Variants in KALRN observed in about 807,000 individuals in gnomAD.
KALRN encodes the protein kalirin RhoGEF kinase, also known as kalirin.
A neutral mutation model predicts 353.7 loss-of-function variants in KALRN; 70 were observed. The observed-to-expected ratio is 0.20, with a 90% CI of 0.16 to 0.24. KALRN has a LOEUF of 0.24. Among genes scored for constraint, KALRN ranks in the 10% least tolerant of loss-of-function variants. KALRN has a pLI of 1.00. For synonymous variants in KALRN, 1,391 were observed against 1,434.8 expected (o/e 0.97, Z 0.69); for missense variants, 2,791 against 3,756.7 (o/e 0.74, Z 6.72).
chr3:124,695,286 G>A (rs180941021), intron 53 of KALRN, among the ~76,000 whole-genome samples: 3 of 152,356 alleles, frequency 2.0e-5, no homozygotes, highest in African/African-American at 7.2e-5. Flanking sequence ...GTTGCTTACA[G>A]TGGACAAGTG....
At chr3:124,675,492 A>G (rs2150417625) in intron 49 of KALRN, 1 of 147,602 alleles carries the variant, frequency 6.8e-6, no homozygotes, top group South Asian at 2.2e-4. Context: ...TGTGCAAACA[A>G]TTCTTCTTCT....
chr3:124,405,022 G>C (rs956403342), intron 13 of KALRN, among the ~76,000 whole-genome samples: 4 of 151,448 alleles, frequency 2.6e-5, no homozygotes, highest in African/African-American at 9.8e-5. Context: ...TCTTCCTAGT[G>C]ATCACTGTCA....
chr3:124,162,357 G>A (rs529814911), intron 1 of KALRN: 1 of 152,292 alleles, frequency 6.6e-6, no homozygotes, highest in African/African-American at 2.4e-5. Context: ...GTGTGAAGGT[G>A]TGGGAGTTGG....
chr3:124,053,356 T>C (rs2041221093), intron 1 of KALRN, among the ~76,000 whole-genome samples: 1 of 152,216 alleles, frequency 6.6e-6, no homozygotes, highest in East Asian at 1.9e-4. Flanking sequence ...ATATAGTTGA[T>C]GATACAAGAA....
intron 34 of KALRN, among the ~76,000 whole-genome samples, chr3:124,564,397 CAA>C (rs1463907463): frequency 6.6e-6 from 1 of 151,936 alleles, no homozygotes; most frequent in Admixed American, 6.6e-5. Flanking sequence ...AATAAAAAAT[CAA>C]AGTTAAAAGC....
At chr3:124,647,068 A>G (rs1401199293) in intron 37 of KALRN, among the ~76,000 whole-genome samples, 1 of 151,888 alleles carries the variant, frequency 6.6e-6, no homozygotes, top group Admixed American at 6.6e-5. Flanking sequence ...TTTAATTTTA[A>G]TTTTAATTTT....
At chr3:124,635,726 C>T (rs952461006) in intron 36 of KALRN, among the ~76,000 whole-genome samples, 1 of 152,086 alleles carries the variant, frequency 6.6e-6, no homozygotes, top group African/African-American at 2.4e-5. Context: ...GTACGTTTTA[C>T]TTTTACAATT....
At position 124,430,712 on chromosome 3, in the gene KALRN, C is replaced by T. The variant is rs1285732981; in HGVS notation, c.2766C>T (p.Ala922=). ...ESMLNASLVN[A]SSLSEAEQLQ... ...TGCTCAACGCCAGCCTGGTCAATGC[C>T]AGCTCTTTGTCGGAAGCAGAGCAGC... Residue 922 remains alanine (A), a synonymous_variant, in exon 16 of 60, where the codon GCC becomes GCT. Coordinates refer to ENST00000682506, the MANE Select transcript of KALRN (RefSeq NM_001388419.1). The T allele has an allele frequency of 6.2e-7, 1 of 1,614,160 alleles. No individual in the cohort carries two copies. Among genetic ancestry groups the T allele is most frequent in the South Asian group, 1.1e-5 (1 of 91,082 alleles).
At chr3:124,141,963 A>C (rs181430147) in intron 1 of KALRN, among the ~76,000 whole-genome samples, 34 of 152,122 alleles carry the variant, frequency 2.2e-4, no homozygotes, top group Admixed American at 3.3e-4. Flanking sequence ...TGAGCAAGTC[A>C]CTCTCTGAGG....
At chr3:124,038,369 A>T (rs2039623496) in intron 1 of KALRN, among the ~76,000 whole-genome samples, 1 of 152,084 alleles carries the variant, frequency 6.6e-6, no homozygotes, top group Non-Finnish European at 1.5e-5. Context: ...AAGGAAAAAG[A>T]GGTGTGTGCT....
chr3:124,228,052 G>A lies in KALRN; in HGVS notation c.136G>A (p.Ala46Thr). The A allele has an allele frequency of 6.2e-7, 1 of 1,613,766 alleles. No individual in the cohort carries two copies. The highest frequency in any genetic ancestry group is 8.5e-7 in the Non-Finnish European group (1 of 1,179,684). The change falls in exon 2 of 60, where the codon GCC (alanine) becomes ACC (threonine). Residue 46 changes from alanine to threonine, a missense_variant. This residue lies in a region of KALRN where 110 missense variants were observed against 204.1 expected (regional missense o/e 0.54). Transcript: ENST00000682506. ...CCTTCCTATCCTAAAGGAAAAGGTGGCCTTCGTGTCTGGTGAGTATTTGTG... is the reference window on the plus strand; with the variant it reads ...CCTTCCTATCCTAAAGGAAAAGGTGACCTTCGTGTCTGGTGAGTATTTGTG... ...DVLPILKEKVAFVSGGRDKRG... is the reference protein window; with the variant it reads ...DVLPILKEKVTFVSGGRDKRG...
At chr3:124,264,139 C>T (rs1042950270) in intron 3 of KALRN, among the ~76,000 whole-genome samples, 4 of 151,728 alleles carry the variant, frequency 2.6e-5, no homozygotes, top group Non-Finnish European at 1.5e-5. Context: ...ATCCAAACTC[C>T]GAAATGCTGC....
intron 5 of KALRN, among the ~76,000 whole-genome samples, chr3:124,272,626 T>C (rs2074284162): frequency 6.6e-6 from 1 of 151,914 alleles, no homozygotes; most frequent in African/African-American, 2.4e-5. Flanking sequence ...GGAGAGAATA[T>C]TCAAAACAAG....
At chr3:124,657,710 C>T (rs772027895) in intron 40 of KALRN, 24 bp from the exon 41 acceptor site, 4 of 1,581,006 alleles carry the variant, frequency 2.5e-6, no homozygotes, top group South Asian at 2.2e-5. Context: ...TGGCTTCCTT[C>T]TCTTATCCCC....
chr3:124,134,233 T>A (rs1414710334), intron 1 of KALRN, among the ~76,000 whole-genome samples: 1 of 152,136 alleles, frequency 6.6e-6, no homozygotes, highest in African/African-American at 2.4e-5. Flanking sequence ...CCCAAATACT[T>A]ACAACCAACT....
At position 124,446,812 on chromosome 3, in the gene KALRN, C is replaced by T; in HGVS notation, c.3479C>T (p.Thr1160Ile). The T allele has an allele frequency of 6.2e-7, 1 of 1,613,948 alleles. No homozygotes were observed. The highest frequency in any genetic ancestry group is 1.1e-5 in the South Asian group (1 of 91,060). The change falls in exon 21 of 60, where the codon ACC becomes ATC. Residue 1160 changes from threonine (T) to isoleucine (I), a missense_variant. Thr to Ile is a moderately conservative substitution (Grantham distance 89). This residue lies in a region of KALRN where 268 missense variants were observed against 347.0 expected (regional missense o/e 0.77). Transcript: ENST00000682506. ...GGTGAATTTTACCTCTCAACACATA[C>T]CTCCACTGGAGAGACCACAGAGGAG... Reference protein sequence around the residue: ...ETGEFYLSTHTSTGETTEETQ... With the variant: ...ETGEFYLSTHISTGETTEETQ...
intron 9 of KALRN, 90 bp from the exon 10 acceptor site, chr3:124,347,053 G>A: frequency 5.1e-6 from 8 of 1,582,282 alleles, no homozygotes; most frequent in South Asian, 4.6e-5. Context: ...TGGGATATAG[G>A]GGTGGTTAGG....
Position 124,385,050 on chromosome 3 carries a change from G to A in KALRN, c.1962+14G>A. On this transcript the variant is annotated intron_variant, in intron 11 of 59. Coordinates refer to ENST00000682506, the MANE Select transcript of KALRN (RefSeq NM_001388419.1). ...CACACCAAAGAGGTAAGGGGAGCTA[G>A]TGGAGAGAGGGCATTCTGTCCTGCC... is the stretch of plus-strand genomic sequence containing the variant. 4 of 1,569,504 alleles carry A rather than the reference G, an allele frequency of 2.5e-6. No homozygotes were observed. The highest frequency in any genetic ancestry group is 1.2e-5 in the South Asian group (1 of 83,690).
At chr3:124,686,661 C>T (rs1369180500) in intron 51 of KALRN, among the ~76,000 whole-genome samples, 1 of 152,052 alleles carries the variant, frequency 6.6e-6, no homozygotes, top group East Asian at 1.9e-4. Context: ...AGACAGACAA[C>T]AAAGGCATGG....
Sources: gnomAD v4.1 joint callset for allele counts (sites outside exome capture counted in the v4.1 genomes callset) on GRCh38, gnomAD v4.1.1 for gene constraint, gnomAD v4.1.1 regional missense constraint, MANE v1.5 for transcripts, NCBI Gene and HGNC (gene_info 2026-07-23, HGNC 2026-07-21) for gene names.